The following PCDHA6 variants were observed in gnomAD, a reference collection of about 807,000 sequenced individuals.
The protein encoded by PCDHA6 is protocadherin alpha-6.
A neutral mutation model predicts 60.3 loss-of-function variants in PCDHA6; 55 were observed. That is an observed-to-expected ratio of 0.91 (90% CI 0.73 to 1.14). The LOEUF (loss-of-function observed/expected upper bound fraction) is 1.14. Among genes scored for constraint, PCDHA6 ranks in the 50% most tolerant of loss-of-function variants. PCDHA6 has a pLI of 0.00. For missense variants in PCDHA6, 1,327 were observed against 1,256.5 expected (o/e 1.06, Z -0.85); for synonymous variants, 652 against 557.9 (o/e 1.17, Z -2.38).
At position 140,845,853 on chromosome 5, in the gene PCDHA6, A is replaced by G. The variant is rs2150381879; in HGVS notation, c.2394+15368A>G. 1.3e-5 allele frequency among the ~76,000 whole-genome samples: 2 copies of G among 149,864 alleles called. 1 individual carries two copies. Among genetic ancestry groups the G allele is most frequent in the Non-Finnish European group, 3.0e-5 (2 of 66,956 alleles). ...TACCATTCTTAAGAGAAAAGAAGTT[A>G]GTGATTGCAGAAAGGCAACCTAAAA... On this transcript the variant is annotated intron_variant, in intron 1 of 3. Coordinates refer to ENST00000529310, the MANE Select transcript of PCDHA6 (RefSeq NM_018909.4).
At chr5:140,891,419 C>T (rs925275455) in intron 1 of PCDHA6, among the ~76,000 whole-genome samples, 1 of 147,378 alleles carries the variant, frequency 6.8e-6, no homozygotes, top group African/African-American at 2.5e-5. Flanking sequence ...CACTCTTGCC[C>T]CCAAGTCCCC....
intron 1 of PCDHA6, chr5:140,928,844 C>G (rs782361945): frequency 6.2e-7 from 1 of 1,614,168 alleles, no homozygotes; most frequent in Admixed American, 1.7e-5. Context: ...TCCTCTGTCA[C>G]TCTGGGTGTG....
intron 1 of PCDHA6, among the ~76,000 whole-genome samples, chr5:140,878,256 C>G (rs2057518420): frequency 6.6e-6 from 1 of 152,160 alleles, no homozygotes; most frequent in Admixed American, 6.5e-5. Flanking sequence ...TCCTCACGTG[C>G]TTAGGCTTTT....
intron 1 of PCDHA6, among the ~76,000 whole-genome samples, chr5:140,953,492 G>T (rs542677103): frequency 6.6e-6 from 1 of 152,188 alleles, no homozygotes; most frequent in East Asian, 1.9e-4. Context: ...TCACAACCTT[G>T]ATCAGCTATT....
At chr5:141,007,660 T>C (rs1392469115) in intron 3 of PCDHA6, among the ~76,000 whole-genome samples, 2 of 152,074 alleles carry the variant, frequency 1.3e-5, no homozygotes, top group Admixed American at 6.5e-5. Flanking sequence ...AAACCATAAA[T>C]TTACAAAGAC....
At chr5:140,857,904 T>A (rs781796196) in intron 1 of PCDHA6, 3 of 1,597,710 alleles carry the variant, frequency 1.9e-6, no homozygotes, top group Admixed American at 3.4e-5. Context: ...GGTGCACGCA[T>A]CCCGTTTCGC....
chr5:140,926,539 G>A (rs910445315), intron 1 of PCDHA6: 2 of 216,944 alleles, frequency 9.2e-6, no homozygotes, highest in Non-Finnish European at 1.8e-5. Flanking sequence ...AGCCAGCGTG[G>A]TGGTCGAGAC....
chr5:140,928,834 T>G, intron 1 of PCDHA6: 3 of 1,614,178 alleles, frequency 1.9e-6, no homozygotes, highest in Non-Finnish European at 2.5e-6. Flanking sequence ...ACCACTTTCC[T>G]CCTCTGTCAC....
intron 1 of PCDHA6, chr5:140,927,999 C>T: frequency 6.2e-7 from 1 of 1,614,174 alleles, no homozygotes; most frequent in Non-Finnish European, 8.5e-7. Flanking sequence ...ATGAAGACCT[C>T]GATTCTAATG....
intron 1 of PCDHA6, among the ~76,000 whole-genome samples, chr5:140,889,628 TTTTC>T (rs2062304515): frequency 6.6e-6 from 1 of 152,186 alleles, no homozygotes; most frequent in African/African-American, 2.4e-5. Flanking sequence ...ATTTCTCTTC[TTTTC>T]ATTTGTGTTT....
chr5:140,839,415 G>A (rs1374015208), intron 1 of PCDHA6, among the ~76,000 whole-genome samples: 2 of 151,792 alleles, frequency 1.3e-5, no homozygotes, highest in African/African-American at 4.8e-5. Context: ...TTTGAGACAG[G>A]GTCTCACTCT....
At chr5:140,856,210 G>C (rs556174610) in intron 1 of PCDHA6, 1 of 1,598,116 alleles carries the variant, frequency 6.3e-7, no homozygotes, top group African/African-American at 1.3e-5. Context: ...TGGGGCTGGA[G>C]CTGGCGGAGC....
At chr5:140,914,297 G>A (rs1371976850) in intron 1 of PCDHA6, among the ~76,000 whole-genome samples, 2 of 152,056 alleles carry the variant, frequency 1.3e-5, no homozygotes, top group African/African-American at 4.8e-5. Flanking sequence ...ATATCCTCTT[G>A]CTGAATTGAC....
intron 1 of PCDHA6, among the ~76,000 whole-genome samples, chr5:140,973,570 T>C (rs1211629419): frequency 6.6e-6 from 1 of 152,232 alleles, no homozygotes; most frequent in Non-Finnish European, 1.5e-5. Flanking sequence ...CCTCAATTTT[T>C]CTACAGACTG....
rs782039603 is a variant in PCDHA6 at position 140,876,722 on chromosome 5, G to A, written c.2394+46237G>A. 2.5e-6 allele frequency: 4 copies of A among 1,614,134 alleles called. No individual in the cohort carries two copies. In the Admixed American group the frequency reaches 5.0e-5, roughly 20 times the overall value. On this transcript the variant is annotated intron_variant, in intron 1 of 3. Coordinates refer to ENST00000529310, the MANE Select transcript of PCDHA6 (RefSeq NM_018909.4). ...CTGGACAGCGCCCTGGACCGCGAGA[G>A]CGTGTCGGCCTATGAGCTGGTGGTG...
chr5:140,923,055 A>G (rs1233279179), intron 1 of PCDHA6, among the ~76,000 whole-genome samples: 1 of 152,236 alleles, frequency 6.6e-6, no homozygotes, highest in African/African-American at 2.4e-5. Flanking sequence ...TTTAGAATAA[A>G]AGAGCTAGGT....
At chr5:140,861,996 G>T (rs988991562) in intron 1 of PCDHA6, 4 of 155,486 alleles carry the variant, frequency 2.6e-5, no homozygotes, top group African/African-American at 9.7e-5. Context: ...AAGGTACACT[G>T]GTTATTAGAC....
At chr5:140,830,681 G>A (rs112940654) in intron 1 of PCDHA6, 196 bp downstream of exon 1, 1 of 335,664 alleles carries the variant, frequency 3.0e-6, no homozygotes, top group East Asian at 6.0e-5. Flanking sequence ...AGAAATCACT[G>A]TCCACAATCT....
rs191500915 is a variant in PCDHA6, at chr5:140,840,115, G to A, written c.2394+9630G>A. Among the ~76,000 whole-genome samples, 14 of 152,082 alleles carry A rather than the reference G, an allele frequency of 9.2e-5. No individual in the cohort carries two copies. In the East Asian group the frequency reaches 2.7e-3, roughly 29 times the overall value. ...AAGATTTTAGTGAAATCGAGTGAAA[G>A]CTGTACTAATAAGGACAGAAATTAT... is the stretch of plus-strand genomic sequence containing the variant. On this transcript the variant is annotated intron_variant, in intron 1 of 3. Coordinates refer to ENST00000529310, the MANE Select transcript of PCDHA6 (RefSeq NM_018909.4).
Sources: gnomAD v4.1 joint callset for allele counts (sites outside exome capture counted in the v4.1 genomes callset) on GRCh38, gnomAD v4.1.1 for gene constraint, MANE v1.5 for transcripts, NCBI Gene and HGNC (gene_info 2026-07-23, HGNC 2026-07-21) for gene names.